The following DOCK5 variants were observed in gnomAD, a reference collection of about 807,000 sequenced individuals.
DOCK5 encodes dedicator of cytokinesis 5, also known as dedicator of cytokinesis protein 5.
Under a neutral mutation model 251.8 loss-of-function variants are expected in DOCK5, and 142 were observed. The observed-to-expected ratio is 0.56, with a 90% CI of 0.49 to 0.65. DOCK5 has a LOEUF of 0.65. DOCK5 is among the 30% of genes least tolerant of loss of function. The probability of loss-of-function intolerance (pLI) is 0.00; values close to 1 mark genes in which losing one functional copy is unlikely to be tolerated. For missense variants in DOCK5, 2,111 were observed against 2,312.3 expected, an observed-to-expected ratio of 0.91 and a Z score of 1.79; for synonymous variants, 842 against 835.5, an observed-to-expected ratio of 1.01 and a Z score of -0.13.
At chr8:25,235,619 T>C (rs1440187473) in intron 1 of DOCK5, among the ~76,000 whole-genome samples, 3 of 152,142 alleles carry the variant, frequency 2.0e-5, no homozygotes, top group Admixed American at 6.5e-5. Context: ...TTCATATAAA[T>C]TTAATGTCAT....
intron 1 of DOCK5, among the ~76,000 whole-genome samples, chr8:25,203,453 T>C (rs1256446310): frequency 6.6e-6 from 1 of 152,258 alleles, no homozygotes; most frequent in Non-Finnish European, 1.5e-5. Context: ...ATTCTTTTCA[T>C]GTTTGAGCTG....
intron 48 of DOCK5, among the ~76,000 whole-genome samples, 178 bp downstream of exon 48, chr8:25,403,902 C>G (rs774818982): frequency 1.3e-5 from 2 of 152,128 alleles, no homozygotes; most frequent in African/African-American, 2.4e-5. Context: ...TGAAAAATGA[C>G]AAAGAAATCA....
At chr8:25,365,122 A>C (rs1368762608) in intron 30 of DOCK5, among the ~76,000 whole-genome samples, 1 of 152,254 alleles carries the variant, frequency 6.6e-6, no homozygotes, top group Non-Finnish European at 1.5e-5. Flanking sequence ...GTTTGTTGAA[A>C]GTCCAAAGGA....
At chr8:25,378,762 A>G (rs963532828) in intron 38 of DOCK5, among the ~76,000 whole-genome samples, 3 of 152,358 alleles carry the variant, frequency 2.0e-5, no homozygotes, top group South Asian at 2.1e-4. Flanking sequence ...AGTGCCCTGC[A>G]TTGAAATACA....
chr8:25,256,096 A>G (rs945820047), intron 2 of DOCK5, among the ~76,000 whole-genome samples: 3 of 152,236 alleles, frequency 2.0e-5, no homozygotes, highest in African/African-American at 7.2e-5. Flanking sequence ...TGGACAAGGC[A>G]ACACAGGAAA....
At chr8:25,409,687 A>G (rs1480937845) in intron 50 of DOCK5, 1 of 156,008 alleles carries the variant, frequency 6.4e-6, no homozygotes, top group Non-Finnish European at 1.4e-5. Context: ...GTACTAAAAA[A>G]TACAAAAAAT....
intron 34 of DOCK5, among the ~76,000 whole-genome samples, chr8:25,371,909 T>TATCTA (rs72135018): frequency 0.46 from 69,844 of 151,654 alleles, 16,265 homozygotes; most frequent in Middle Eastern, 0.54. Flanking sequence ...TTCTTTTAAT[T>TATCTA]ATCTAATAAG....
At chr8:25,197,645 G>C (rs572464116) in intron 1 of DOCK5, among the ~76,000 whole-genome samples, 1 of 138,200 alleles carries the variant, frequency 7.2e-6, no homozygotes, top group African/African-American at 2.8e-5. Flanking sequence ...GTACAATGGC[G>C]TGATCTCGGC....
chr8:25,210,036 ATGTGTGTGTG>A (rs780570238), intron 1 of DOCK5, among the ~76,000 whole-genome samples: 3,768 of 31,656 alleles, frequency 0.12, 1,336 homozygotes, highest in African/African-American at 0.23. Context: ...ATATATATAA[ATGTGTGTGTG>A]TGTGTGTGTG....
chr8:25,241,814 A>G (rs1203362303), intron 1 of DOCK5, among the ~76,000 whole-genome samples: 1 of 147,950 alleles, frequency 6.8e-6, no homozygotes, highest in South Asian at 2.1e-4. Context: ...GTGGAATACT[A>G]TGCAACCATA....
chr8:25,335,254 C>G (rs1347987876), intron 21 of DOCK5, among the ~76,000 whole-genome samples: 1 of 152,150 alleles, frequency 6.6e-6, no homozygotes, highest in Admixed American at 6.5e-5. Context: ...GCCGTTCCAC[C>G]CAGGAGCCTC....
chr8:25,327,066 A>C (rs1805581638), intron 18 of DOCK5, among the ~76,000 whole-genome samples: 1 of 152,184 alleles, frequency 6.6e-6, no homozygotes, highest in African/African-American at 2.4e-5. Flanking sequence ...AAGTGACTTG[A>C]TATCTCTGTG....
Position 25,278,683 on chromosome 8 carries a change from G to A in DOCK5, c.321+18G>A, listed in dbSNP as rs762942714. ...TCTACGTGGTGAGTTTCCCCTTGTG[G>A]CTTGGAGCCCCAGGGTCACTCTGGG... On this transcript the variant is annotated intron_variant, in intron 5 of 51. Transcript: ENST00000276440. 2 of 1,611,964 alleles carry A rather than the reference G, an allele frequency of 1.2e-6. No individual in the cohort carries two copies. Among genetic ancestry groups the A allele is most frequent in the Middle Eastern group, 1.7e-4 (1 of 6,060 alleles).
rs554219351 is a variant in DOCK5, at chr8:25,415,333, A to G, written c.*4035A>G. The G allele has an allele frequency of 6.6e-5, 10 of 152,324 alleles. No homozygotes were observed. Among genetic ancestry groups the G allele is most frequent in the African/African-American group, 2.4e-4 (10 of 41,576 alleles). The allele number at this position is 152,324 out of a possible 1,614,324, so 9.4% of individuals were successfully genotyped here. A position where few individuals can be genotyped will look rare whatever the true frequency, so the allele number is the denominator to read the frequency against. ...CTTCTCTGTATCATTTGGGAAGTTG[A>G]TAAATATCACTTCCTTAGATACCTT... On this transcript the variant is annotated 3_prime_UTR_variant, in exon 52 of 52. Transcript: ENST00000276440.
chr8:25,270,937 G>A lies in DOCK5; in HGVS notation c.168+2052G>A, dbSNP rs561589985. The A allele has an allele frequency of 1.7e-5, 10 of 588,432 alleles. No homozygotes were observed. The Admixed American group carries it at 2.0e-4, about 12-fold the overall frequency. 36.5% of individuals were successfully genotyped at this position (588,432 alleles called of 1,614,324 possible). On this transcript the variant is annotated intron_variant, in intron 3 of 51. Coordinates refer to ENST00000276440, the MANE Select transcript of DOCK5 (RefSeq NM_024940.8). ...GATTATTTATAATACCTAATACAAT[G>A]TAAATGCTATGTAAGTAGTTATTAT...
In DOCK5 at chr8:25,364,637, G is replaced by A. The variant is rs148483229; in HGVS notation, c.3056G>A (p.Arg1019His). 248 of 1,599,766 alleles carry A rather than the reference G, an allele frequency of 1.6e-4. 2 individuals carry two copies. The highest frequency in any genetic ancestry group is 8.3e-4 in the Middle Eastern group (5 of 6,042). The stretch of plus-strand genomic sequence containing the variant: ...TTTTCCTTCCGCAGGGTTTTTCTCC[G>A]TGCTATAAATCAGTTTGCTGAAGTT... ...MNMTQNRVFL[R>H]AINQFAEVLT... Residue 1019 changes from arginine to histidine, a missense_variant, in exon 30 of 52, where the codon CGT becomes CAT. Around this residue, in one of 3 missense-constraint regions of DOCK5, gnomAD observed 1,717 missense variants for 1,892.4 expected, o/e 0.91. Transcript: ENST00000276440.
chr8:25,296,589 C>T lies in DOCK5; in HGVS notation c.547C>T (p.Leu183Phe), dbSNP rs1278447693. 1 of 1,612,626 alleles carries T rather than the reference C, an allele frequency of 6.2e-7. No individual in the cohort carries two copies. ...CCCTGACGAAACCAGCACCATTGCC[C>T]TCTTCAAGGCCCATGAGGTGGCCTC... ...LDPDETSTIALFKAHEVASKR... is the reference protein window; with the variant it reads ...LDPDETSTIAFFKAHEVASKR... Residue 183 changes from leucine (L) to phenylalanine (F), a missense_variant, in exon 7 of 52, where the codon CTC (leucine) becomes TTC (phenylalanine). By Grantham distance (22) the Leu-to-Phe change is conservative. Transcript: ENST00000276440.
chr8:25,243,890 C>G, intron 2 of DOCK5, 133 bp downstream of exon 2: 2 of 837,656 alleles, frequency 2.4e-6, no homozygotes, highest in South Asian at 1.6e-5. Context: ...TCAGGAAGTA[C>G]TTGGGTGACA....
intron 38 of DOCK5, among the ~76,000 whole-genome samples, chr8:25,379,062 C>T (rs1324018332): frequency 1.3e-5 from 2 of 152,178 alleles, no homozygotes; most frequent in Non-Finnish European, 2.9e-5. Flanking sequence ...AGATCACATG[C>T]TTCTGAGGAA....
Sources: gnomAD v4.1 joint callset for allele counts (sites outside exome capture counted in the v4.1 genomes callset) on GRCh38, gnomAD v4.1.1 for gene constraint, gnomAD v4.1.1 regional missense constraint, MANE v1.5 for transcripts, NCBI Gene and HGNC (gene_info 2026-07-23, HGNC 2026-07-21) for gene names.